The following TXNL1 variants were observed in gnomAD, a reference collection of about 807,000 sequenced individuals.
TXNL1 encodes thioredoxin like 1, also known as thioredoxin-like protein 1.
In TXNL1, 14 loss-of-function variants were observed where a neutral mutation model predicts 35.5. The observed-to-expected ratio is 0.39, with a 90% CI of 0.26 to 0.62. The LOEUF (loss-of-function observed/expected upper bound fraction) is 0.62, where lower values mean the gene tolerates loss of function less well. Among genes scored for constraint, TXNL1 ranks in the 20% least tolerant of loss-of-function variants. The pLI is 0.47. For synonymous variants in TXNL1, 110 were observed against 115.5 expected (o/e 0.95, Z 0.31); for missense variants, 263 against 349.7 (o/e 0.75, Z 1.98).
rs368517516 is a variant in TXNL1 at position 56,626,540 on chromosome 18, A to C, written c.99-83T>G. The stretch of plus-strand genomic sequence containing the variant: ...CGTCAATTAAACATAAAATAGAACA[A>C]ACACTGATACTGCTGGCTTTTGACT... On this transcript the variant is annotated intron_variant, in intron 1 of 7. Transcript: ENST00000217515. The C allele has an allele frequency of 2.4e-5, 29 of 1,184,732 alleles. No homozygotes were observed. In the East Asian group the frequency reaches 2.9e-4, roughly 12 times the overall value. 73.4% of individuals were successfully genotyped at this position (1,184,732 alleles called of 1,614,324 possible).
At chr18:56,611,640 A>T (rs528414631) in intron 6 of TXNL1, among the ~76,000 whole-genome samples, 1 of 152,164 alleles carries the variant, frequency 6.6e-6, no homozygotes, top group East Asian at 1.9e-4. Flanking sequence ...ACCCATATAT[A>T]TAAGTTCATG....
At chr18:56,637,880 C>A (rs190600975) in intron 1 of TXNL1, among the ~76,000 whole-genome samples, 268 of 152,322 alleles carry the variant, frequency 1.8e-3, no homozygotes, top group African/African-American at 6.1e-3. Flanking sequence ...TAGATCGCCC[C>A]ATCTGAATCT....
intron 1 of TXNL1, 30 bp from the exon 2 acceptor site, chr18:56,626,487 A>G: frequency 6.4e-7 from 1 of 1,551,914 alleles, no homozygotes; most frequent in Non-Finnish European, 8.8e-7. Context: ...AAGTAAAATA[A>G]CACTAAAGAT....
intron 1 of TXNL1, among the ~76,000 whole-genome samples, chr18:56,634,502 C>T (rs1050878370): frequency 2.0e-5 from 3 of 152,116 alleles, no homozygotes; most frequent in South Asian, 2.1e-4. Context: ...AATATGTAAG[C>T]GTTGACTATT....
rs1208592337 is a variant in TXNL1 at position 56,598,415 on chromosome 18, T to A, written c.*4612A>T. 1 of 152,186 alleles carries A rather than the reference T, an allele frequency of 6.6e-6. No homozygotes were observed. The highest frequency in any genetic ancestry group is 2.4e-5 in the African/African-American group (1 of 41,448). 9.4% of individuals were successfully genotyped at this position (152,186 alleles called of 1,614,324 possible). On this transcript the variant is annotated 3_prime_UTR_variant, in exon 8 of 8. Transcript: ENST00000217515. ...TGATTATTCCCGGTATCAGTTTTCC[T>A]TGGACTGAGCCTTGTAGATAAGTAG...
chr18:56,597,638 C>T lies in TXNL1; in HGVS notation c.*5389G>A, dbSNP rs1173228620. 6.6e-6 allele frequency: 1 copy of T among 152,146 alleles called. No individual in the cohort carries two copies. Among genetic ancestry groups the T allele is most frequent in the Non-Finnish European group, 1.5e-5 (1 of 68,024 alleles). The allele number at this position is 152,146 out of a possible 1,614,324, so 9.4% of individuals were successfully genotyped here. ...AATTCTTTAATATTTCTTAGGATTC[C>T]CTAACATTTGCTCCTTAGTTTCATT... On this transcript the variant is annotated 3_prime_UTR_variant, in exon 8 of 8. Coordinates refer to ENST00000217515, the MANE Select transcript of TXNL1 (RefSeq NM_004786.3).
chr18:56,638,101 G>A (rs1374201974), intron 1 of TXNL1, among the ~76,000 whole-genome samples: 1 of 152,202 alleles, frequency 6.6e-6, no homozygotes, highest in Non-Finnish European at 1.5e-5. Context: ...AAAAGGAGCA[G>A]GTGAGAAATC....
chr18:56,609,560 T>G (rs1330121820), intron 7 of TXNL1: 2 of 152,072 alleles, frequency 1.3e-5, no homozygotes, highest in Non-Finnish European at 1.5e-5. Context: ...AACAGGAAAC[T>G]AGAGCCAAAT....
intron 1 of TXNL1, among the ~76,000 whole-genome samples, chr18:56,630,447 G>A (rs2024353345): frequency 1.3e-5 from 2 of 152,186 alleles, no homozygotes; most frequent in Admixed American, 1.3e-4. Flanking sequence ...CAAACGCTAG[G>A]TGTAGGCACT....
At position 56,600,723 on chromosome 18, in the gene TXNL1, G is replaced by A. The variant is rs922738560; in HGVS notation, c.*2304C>T. ...GTGGCTGCCTCCAACAGAATATTGA[G>A]ACTGGGGAACAACGTGGGGCTTGAT... is the stretch of plus-strand genomic sequence containing the variant. On this transcript the variant is annotated 3_prime_UTR_variant, in exon 8 of 8. Transcript: ENST00000217515. The A allele has an allele frequency of 1.3e-5, 2 of 152,290 alleles. No homozygotes were observed. Among genetic ancestry groups the A allele is most frequent in the Non-Finnish European group, 2.9e-5 (2 of 68,164 alleles). The allele number at this position is 152,290 out of a possible 1,614,324, so 9.4% of individuals were successfully genotyped here. A position where few individuals can be genotyped will look rare whatever the true frequency, so the allele number is the denominator to read the frequency against.
chr18:56,635,269 A>C (rs1238681431), intron 1 of TXNL1, among the ~76,000 whole-genome samples: 1 of 152,130 alleles, frequency 6.6e-6, no homozygotes, highest in Non-Finnish European at 1.5e-5. Flanking sequence ...AACAAATAAG[A>C]AAAAAGAAAA....
chr18:56,605,026 A>C (rs1598909936), intron 7 of TXNL1, among the ~76,000 whole-genome samples: 1 of 150,140 alleles, frequency 6.7e-6, no homozygotes, highest in East Asian at 1.9e-4. Flanking sequence ...ATGAAACAGT[A>C]GAAAGTAAAA....
rs386387792 is a variant in TXNL1 at position 56,626,797 on chromosome 18, CTTTTTTTTT to C, written c.99-349_99-341del. 6.4e-4 allele frequency among the ~76,000 whole-genome samples: 35 copies of C among 55,014 alleles called. 2 individuals are homozygous for C. The highest frequency in any genetic ancestry group is 2.8e-3 in the South Asian group (3 of 1,058). The allele number at this position is 55,014 out of a possible 152,430, so 36.1% of individuals were successfully genotyped here. On this transcript the variant is annotated intron_variant, in intron 1 of 7. Transcript: ENST00000217515. ...TACAGGCGTGAGCCACCAAGCCGGT[CTTTTTTTTT>C]TTTTTTTTTTTTTTTGGAGACAAGG... is the stretch of plus-strand genomic sequence containing the variant.
intron 3 of TXNL1, among the ~76,000 whole-genome samples, chr18:56,623,919 T>G (rs1471299507): frequency 6.6e-6 from 1 of 152,098 alleles, no homozygotes; most frequent in Non-Finnish European, 1.5e-5. Context: ...TGTAAGTCAT[T>G]TTACATAACT....
intron 3 of TXNL1, among the ~76,000 whole-genome samples, chr18:56,623,609 T>C (rs1163523531): frequency 6.6e-6 from 1 of 152,140 alleles, no homozygotes; most frequent in Non-Finnish European, 1.5e-5. Context: ...ACTTCCAAAT[T>C]TTGCTTCCTT....
At chr18:56,629,985 G>C (rs771605326) in intron 1 of TXNL1, among the ~76,000 whole-genome samples, 22 of 152,112 alleles carry the variant, frequency 1.4e-4, no homozygotes, top group Non-Finnish European at 3.1e-4. Flanking sequence ...GATCACTTTA[G>C]GGTGGGAGTT....
chr18:56,613,654 A>G (rs958032801), intron 6 of TXNL1, among the ~76,000 whole-genome samples: 1 of 152,086 alleles, frequency 6.6e-6, no homozygotes, highest in African/African-American at 2.4e-5. Flanking sequence ...CACCTCTACA[A>G]AAATAAAAAA....
chr18:56,603,141 C>CT, intron 7 of TXNL1, 85 bp from the exon 8 acceptor site: 1 of 1,254,346 alleles, frequency 8.0e-7, no homozygotes, highest in East Asian at 2.5e-5. Flanking sequence ...AGTTTAAAAC[C>CT]TTGGTATTAA....
chr18:56,620,848 A>G (rs1264469117), intron 3 of TXNL1, among the ~76,000 whole-genome samples: 1 of 152,250 alleles, frequency 6.6e-6, no homozygotes, highest in African/African-American at 2.4e-5. Context: ...TACAGATAAA[A>G]CAGCCTAAAT....
Sources: allele counts gnomAD v4.1 joint callset (sites outside exome capture counted in the v4.1 genomes callset), GRCh38; gene constraint gnomAD v4.1.1; transcripts MANE v1.5; gene names NCBI Gene and HGNC (gene_info 2026-07-23, HGNC 2026-07-21).